Variants in ROBO2 observed in about 807,000 individuals in gnomAD.
The protein encoded by ROBO2 is roundabout homolog 2.
In ROBO2, 53 loss-of-function variants were observed where a neutral mutation model predicts 160.8. The observed-to-expected ratio is 0.33, with a 90% confidence interval of 0.26 to 0.41. The LOEUF (loss-of-function observed/expected upper bound fraction) is 0.41, where lower values mean the gene tolerates loss of function less well. Ranked by LOEUF, ROBO2 falls within the 10% of genes least tolerant of loss-of-function variation. ROBO2 has a pLI of 1.00. For missense variants in ROBO2, 1,577 were observed against 1,722.4 expected, an observed-to-expected ratio of 0.92 and a Z score of 1.49; for synonymous variants, 664 against 611.7, an observed-to-expected ratio of 1.09 and a Z score of -1.26.
rs371818712 is a variant in ROBO2, at chr3:76,685,282, A to T, written c.110-412732A>T. Among the ~76,000 whole-genome samples, 27 of 151,534 alleles carry T rather than the reference A, an allele frequency of 1.8e-4. No homozygotes were observed. The South Asian group carries it at 5.2e-3, about 29-fold the overall frequency. ...AAAGACAGTCGAGGTTTTGAAGCAC[A>T]ATGGGGACTCAAGAAAAAGAAAATG... On this transcript the variant is annotated intron_variant, in intron 2 of 26. Coordinates refer to the ROBO2 transcript ENST00000487694.
intron 2 of ROBO2, among the ~76,000 whole-genome samples, chr3:76,317,773 A>T (rs565774386): frequency 3.9e-5 from 6 of 152,202 alleles, no homozygotes; most frequent in Middle Eastern, 3.4e-3. Context: ...CTTAGCAACT[A>T]TACTAAGATC....
chr3:75,948,682 C>G (rs1457082182), intron 2 of ROBO2, among the ~76,000 whole-genome samples: 1 of 151,996 alleles, frequency 6.6e-6, no homozygotes. Flanking sequence ...TAGAATGTGG[C>G]CTTTCATGAG....
At chr3:76,747,276 A>T (rs998692851) in intron 2 of ROBO2, among the ~76,000 whole-genome samples, 1 of 152,108 alleles carries the variant, frequency 6.6e-6, no homozygotes, top group Non-Finnish European at 1.5e-5. Context: ...TGTACGCAAA[A>T]TTTCATATAA....
intron 24 of ROBO2, among the ~76,000 whole-genome samples, chr3:77,635,391 A>G (rs537745345): frequency 6.6e-6 from 1 of 152,324 alleles, no homozygotes; most frequent in East Asian, 1.9e-4. Context: ...TTATCATATT[A>G]AATTACAATA....
chr3:77,217,419 A>G (rs930801699), intron 2 of ROBO2, among the ~76,000 whole-genome samples: 2 of 152,158 alleles, frequency 1.3e-5, no homozygotes, highest in Non-Finnish European at 2.9e-5. Context: ...CTGGGATTAC[A>G]GGCATGGGCC....
chr3:77,590,292 C>T (rs547016765), intron 17 of ROBO2, among the ~76,000 whole-genome samples: 2 of 152,270 alleles, frequency 1.3e-5, no homozygotes, highest in South Asian at 4.1e-4. Flanking sequence ...TCATTGGTTG[C>T]TGCCTCTCTG....
rs1426385625 is a variant in ROBO2 at position 77,054,923 on chromosome 3, C to CGTGT, written c.61+14078_61+14081dup. Among the ~76,000 whole-genome samples, 417 of 58,802 alleles carry CGTGT rather than the reference C, an allele frequency of 7.1e-3. 2 individuals carry two copies. The highest frequency in any genetic ancestry group is 0.022 in the African/African-American group (385 of 17,384). The allele number at this position is 58,802 out of a possible 152,430, so 38.6% of individuals were successfully genotyped here. A position where few individuals can be genotyped will look rare whatever the true frequency, so the allele number is the denominator to read the frequency against. The stretch of plus-strand genomic sequence containing the variant: ...GGCGCCTGCAGTCCACAAAATCTCG[C>CGTGT]GTGTATGTGTGTGTGTGTGTGTGTG... On this transcript the variant is annotated intron_variant, in intron 1 of 25. Transcript: ENST00000461745.
At chr3:75,993,535 T>A (rs924918926) in intron 2 of ROBO2, among the ~76,000 whole-genome samples, 3 of 152,152 alleles carry the variant, frequency 2.0e-5, no homozygotes, top group Non-Finnish European at 4.4e-5. Flanking sequence ...AGCAAGAAAA[T>A]GGACTAACAC....
At chr3:76,825,022 G>A (rs1017167132) in intron 2 of ROBO2, among the ~76,000 whole-genome samples, 4 of 152,200 alleles carry the variant, frequency 2.6e-5, no homozygotes, top group African/African-American at 9.6e-5. Context: ...CTCAGGGAGT[G>A]CTGGTAAACT....
At chr3:76,807,973 C>T (rs2064866487) in intron 2 of ROBO2, among the ~76,000 whole-genome samples, 1 of 151,822 alleles carries the variant, frequency 6.6e-6, no homozygotes, top group Non-Finnish European at 1.5e-5. Flanking sequence ...AATATGTAGG[C>T]AGTTAAGCTA....
chr3:77,361,696 C>T (rs1173454147), intron 2 of ROBO2, among the ~76,000 whole-genome samples: 1 of 152,076 alleles, frequency 6.6e-6, no homozygotes, highest in Non-Finnish European at 1.5e-5. Flanking sequence ...GAGGATGGAG[C>T]TCTTATGACG....
rs113536490 is a variant in ROBO2 at position 76,486,135 on chromosome 3, T to C, written c.109+548533T>C. Among the ~76,000 whole-genome samples the C allele has an allele frequency of 5.5e-3, 842 of 152,274 alleles. 9 individuals are homozygous for C. Among genetic ancestry groups the C allele is most frequent in the African/African-American group, 0.019 (793 of 41,576 alleles). ...GGGCTGCAAAAAGAATCAGGTGGCATAATACCTGTGAACCTGCTTGGTGAA... is the reference window on the plus strand; with the variant it reads ...GGGCTGCAAAAAGAATCAGGTGGCACAATACCTGTGAACCTGCTTGGTGAA... On this transcript the variant is annotated intron_variant, in intron 2 of 26. Transcript: ENST00000487694.
intron 2 of ROBO2, among the ~76,000 whole-genome samples, chr3:75,979,031 T>G (rs2065207196): frequency 6.6e-6 from 1 of 151,546 alleles, no homozygotes; most frequent in Admixed American, 6.6e-5. Context: ...TGTCAACCAA[T>G]GTCTACTTGA....
chr3:77,086,921 A>T (rs964826549), intron 1 of ROBO2, among the ~76,000 whole-genome samples: 1 of 152,228 alleles, frequency 6.6e-6, no homozygotes, highest in Non-Finnish European at 1.5e-5. Flanking sequence ...TAACTTTATT[A>T]TGAAATATTT....
intron 2 of ROBO2, among the ~76,000 whole-genome samples, chr3:76,984,866 T>A (rs2060287874): frequency 6.6e-6 from 1 of 152,324 alleles, no homozygotes; most frequent in South Asian, 2.1e-4. Context: ...ACTTTTATTA[T>A]TAATTTTTCA....
intron 2 of ROBO2, among the ~76,000 whole-genome samples, chr3:77,238,847 C>A (rs1176566633): frequency 2.0e-5 from 3 of 152,126 alleles, no homozygotes; most frequent in Admixed American, 2.0e-4. Context: ...GATGTTTACA[C>A]TGGAGCAATT....
At chr3:77,138,834 A>G (rs1470657314) in intron 2 of ROBO2, among the ~76,000 whole-genome samples, 2 of 152,128 alleles carry the variant, frequency 1.3e-5, no homozygotes, top group Admixed American at 6.5e-5. Flanking sequence ...GATTAGGCCA[A>G]TTGCAGGCTT....
intron 2 of ROBO2, among the ~76,000 whole-genome samples, chr3:76,780,979 C>G (rs370630731): frequency 1.7e-4 from 26 of 150,508 alleles, no homozygotes; most frequent in African/African-American, 6.1e-4. Context: ...AAAGGCATTG[C>G]TTTGAATCTA....
intron 2 of ROBO2, among the ~76,000 whole-genome samples, chr3:77,108,299 C>CAT (rs544760663): frequency 0.014 from 1,642 of 120,460 alleles, 24 homozygotes; most frequent in Middle Eastern, 0.022. Context: ...TACACATATG[C>CAT]ATATATATAT....
Sources: allele counts gnomAD v4.1 joint callset (sites outside exome capture counted in the v4.1 genomes callset), GRCh38; gene constraint gnomAD v4.1.1; transcripts MANE v1.5; gene names NCBI Gene and HGNC (gene_info 2026-07-23, HGNC 2026-07-21).